GFAP: variants seen among roughly 807,000 people sequenced by gnomAD.
GFAP encodes glial fibrillary acidic protein.
In GFAP, 38 loss-of-function variants were observed where a neutral mutation model predicts 49.3. The ratio of observed to expected loss-of-function variants is 0.77; its 90% confidence interval spans 0.60 to 1.01. The LOEUF (loss-of-function observed/expected upper bound fraction) is 1.01, where lower values mean the gene tolerates loss of function less well. Ranked by LOEUF, GFAP falls within the 50% of genes least tolerant of loss-of-function variation. The probability of loss-of-function intolerance (pLI) is 0.00; values close to 1 mark genes in which losing one functional copy is unlikely to be tolerated. For synonymous variants in GFAP, 222 were observed against 236.4 expected (o/e 0.94, Z 0.56); for missense variants, 463 against 579.1 (o/e 0.80, Z 2.06).
In GFAP at chr17:44,904,576, C is replaced by G. The variant is rs1375287990; in HGVS notation, c.*2771G>C. 6.4e-7 allele frequency: 1 copy of G among 1,550,580 alleles called. No homozygotes were observed. The highest frequency in any genetic ancestry group is 2.4e-5 in the East Asian group (1 of 40,926). On this transcript the variant is annotated 3_prime_UTR_variant, in exon 9 of 9. Coordinates refer to ENST00000588735, the MANE Select transcript of GFAP (RefSeq NM_002055.5). The stretch of plus-strand genomic sequence containing the variant: ...TACCCTGTGAGAAGACAAAGACCAT[C>G]CGGGAGGGCGTGCTGGCCATCATTA...
At chr17:44,913,972 T>G in intron 2 of GFAP, 56 bp downstream of exon 2, 1 of 1,354,914 alleles carries the variant, frequency 7.4e-7, no homozygotes, top group Non-Finnish European at 1.0e-6. Context: ...TGTGTTTGGG[T>G]GGGTGGCCAT....
Position 44,911,882 on chromosome 17 carries a change from A to G in GFAP, c.781-85T>C, listed in dbSNP as rs533692924. The G allele has an allele frequency of 1.1e-5, 16 of 1,473,436 alleles. No individual in the cohort carries two copies. In the African/African-American group the frequency reaches 1.9e-4, roughly 18 times the overall value. The allele number at this position is 1,473,436 out of a possible 1,614,324, so 91.3% of individuals were successfully genotyped here. ...AAATCAGGGAGGTGAGCAGCACCCC[A>G]GTTAACCCCAGGACGTTGGCCCTGG... is the stretch of plus-strand genomic sequence containing the variant. On this transcript the variant is annotated intron_variant, in intron 4 of 8. Transcript: ENST00000588735.
chr17:44,911,071 A>T lies in GFAP; in HGVS notation c.1127+165T>A, dbSNP rs965165265. Among the ~76,000 whole-genome samples, 3 of 152,192 alleles carry T rather than the reference A, an allele frequency of 2.0e-5. No individual in the cohort carries two copies. The South Asian group carries it at 6.2e-4, about 32-fold the overall frequency. The stretch of plus-strand genomic sequence containing the variant: ...CCATCCATCCATTCAGTCATCAAAC[A>T]TCTAGTGACTGCCTGCTATGTGTGA... On this transcript the variant is annotated intron_variant, in intron 6 of 8. Transcript: ENST00000588735.
intron 6 of GFAP, among the ~76,000 whole-genome samples, 200 bp downstream of exon 6, chr17:44,911,036 T>C (rs1296914265): frequency 6.6e-6 from 1 of 152,178 alleles, no homozygotes; most frequent in Non-Finnish European, 1.5e-5. Flanking sequence ...CTAATCAATA[T>C]TGGTTGAATC....
In GFAP at chr17:44,904,848, G is replaced by A. The variant is rs764267260; in HGVS notation, c.*2499C>T. 140 of 1,550,504 alleles carry A rather than the reference G, an allele frequency of 9.0e-5. No individual in the cohort carries two copies. Among genetic ancestry groups the A allele is most frequent in the Middle Eastern group, 1.7e-4 (1 of 6,014 alleles). On this transcript the variant is annotated 3_prime_UTR_variant, in exon 9 of 9. Coordinates refer to ENST00000588735, the MANE Select transcript of GFAP (RefSeq NM_002055.5). ...ATCCGCTTCACCCAGCTGGATGACC[G>A]GGGCATCTACTATTGCTGGAGGCAG...
At chr17:44,911,190 G>A (rs773171143) in intron 6 of GFAP, 46 bp downstream of exon 6, 3 of 1,534,416 alleles carry the variant, frequency 2.0e-6, no homozygotes, top group Middle Eastern at 2.0e-4. Flanking sequence ...GAGCTCTACC[G>A]TGAGGCAGCA....
At position 44,904,874 on chromosome 17, in the gene GFAP, G is replaced by T; in HGVS notation, c.*2473C>A. The T allele has an allele frequency of 6.4e-7, 1 of 1,550,650 alleles. No homozygotes were observed. Among genetic ancestry groups the T allele is most frequent in the Non-Finnish European group, 8.7e-7 (1 of 1,146,982 alleles). On this transcript the variant is annotated 3_prime_UTR_variant, in exon 9 of 9. Coordinates refer to ENST00000588735, the MANE Select transcript of GFAP (RefSeq NM_002055.5). ...GGGCATCTACTATTGCTGGAGGCAGGGTGTGCTAGTTGCTGGCTTCCGGCT... is the reference window on the plus strand; with the variant it reads ...GGGCATCTACTATTGCTGGAGGCAGTGTGTGCTAGTTGCTGGCTTCCGGCT...
In GFAP at chr17:44,904,024, G is replaced by T; in HGVS notation, c.*3323C>A. The T allele has an allele frequency of 1.3e-6, 2 of 1,550,650 alleles. No individual in the cohort carries two copies. The highest frequency in any genetic ancestry group is 1.7e-6 in the Non-Finnish European group (2 of 1,147,016). On this transcript the variant is annotated 3_prime_UTR_variant, in exon 9 of 9. Coordinates refer to ENST00000588735, the MANE Select transcript of GFAP (RefSeq NM_002055.5). ...CCGAAGAGGTGCCAGCTGTAGTCTG[G>T]TTCTACCAAAAGCACCTAGGTAGCA... is the stretch of plus-strand genomic sequence containing the variant.
At chr17:44,910,924 G>T in intron 6 of GFAP, 1 of 607,178 alleles carries the variant, frequency 1.6e-6, no homozygotes, top group South Asian at 2.0e-5. Flanking sequence ...AAGTTCCAAG[G>T]AGGCAGAAGA....
chr17:44,911,877 A>G, intron 4 of GFAP, 80 bp from the exon 5 acceptor site: 1 of 1,466,292 alleles, frequency 6.8e-7, no homozygotes, highest in South Asian at 1.2e-5. Flanking sequence ...GGTGAGCAGC[A>G]CCCCAGTTAA....
chr17:44,908,420 C>G (rs2051688323), intron 7 of GFAP: 1 of 391,884 alleles, frequency 2.6e-6, no homozygotes, highest in Non-Finnish European at 4.6e-6. Flanking sequence ...TTCTGAAAAC[C>G]CAGCACGGTA....
Position 44,904,085 on chromosome 17 carries a change from G to A in GFAP, c.*3262C>T. On this transcript the variant is annotated 3_prime_UTR_variant, in exon 9 of 9. Coordinates refer to ENST00000588735, the MANE Select transcript of GFAP (RefSeq NM_002055.5). ...AGTGCTGACGGACTTTGATGGGCGG[G>A]TGCTGACGGAGGCAGCCCAGGTACG... The A allele has an allele frequency of 1.3e-6, 2 of 1,550,662 alleles. No homozygotes were observed. Among genetic ancestry groups the A allele is most frequent in the Non-Finnish European group, 1.7e-6 (2 of 1,147,012 alleles).
intron 2 of GFAP, 102 bp from the exon 3 acceptor site, chr17:44,913,925 G>C: frequency 7.6e-7 from 1 of 1,316,692 alleles, no homozygotes; most frequent in Non-Finnish European, 1.1e-6. Context: ...GGGCAGTGGG[G>C]AGCAGCACAT....
Position 44,904,803 on chromosome 17 carries a change from A to C in GFAP, c.*2544T>G. On this transcript the variant is annotated 3_prime_UTR_variant, in exon 9 of 9. Transcript: ENST00000588735. ...AACAGGTCCATGAGGGTGTTCATTG[A>C]CCACGGCAACCAGCTCCACATCCGC... The C allele has an allele frequency of 3.2e-6, 5 of 1,550,598 alleles. No individual in the cohort carries two copies. Among genetic ancestry groups the C allele is most frequent in the Non-Finnish European group, 4.4e-6 (5 of 1,146,954 alleles).
At chr17:44,914,976 G>T in intron 1 of GFAP, 50 bp downstream of exon 1, 1 of 1,517,226 alleles carries the variant, frequency 6.6e-7, no homozygotes, top group Non-Finnish European at 9.0e-7. Flanking sequence ...CCTTCTTGGG[G>T]ATTCAGCCCC....
rs777465927 is a variant in GFAP, at chr17:44,913,662, C to G, written c.618+66G>C. 7.2e-6 allele frequency: 9 copies of G among 1,251,968 alleles called. No homozygotes were observed. The South Asian group carries it at 1.1e-4, about 15-fold the overall frequency. 77.6% of individuals were successfully genotyped at this position (1,251,968 alleles called of 1,614,324 possible). A position where few individuals can be genotyped will look rare whatever the true frequency, so the allele number is the denominator to read the frequency against. On this transcript the variant is annotated intron_variant, in intron 3 of 8. Transcript: ENST00000588735. ...TCTCTCTCAGTCTCAGCTTCTCTGT[C>G]TCTGTCTCTCCCTCTCTCAGTTGCA... is the stretch of plus-strand genomic sequence containing the variant.
At position 44,906,835 on chromosome 17, in the gene GFAP, A is replaced by G. The variant is rs949115374; in HGVS notation, c.*512T>C. ...AGGGATATCCCACCTCATAAAAACC[A>G]AAAGACAAAACAAGCCTCTGGCCAG... On this transcript the variant is annotated 3_prime_UTR_variant, in exon 9 of 9. Coordinates refer to ENST00000588735, the MANE Select transcript of GFAP (RefSeq NM_002055.5). 2 of 208,114 alleles carry G rather than the reference A, an allele frequency of 9.6e-6. No individual in the cohort carries two copies. Among genetic ancestry groups the G allele is most frequent in the Non-Finnish European group, 2.0e-5 (2 of 100,926 alleles). The allele number at this position is 208,114 out of a possible 1,614,324, so 12.9% of individuals were successfully genotyped here. A position where few individuals can be genotyped will look rare whatever the true frequency, so the allele number is the denominator to read the frequency against.
Position 44,904,314 on chromosome 17 carries a change from A to C in GFAP, c.*3033T>G. On this transcript the variant is annotated 3_prime_UTR_variant, in exon 9 of 9. Coordinates refer to ENST00000588735, the MANE Select transcript of GFAP (RefSeq NM_002055.5). Reference sequence around the variant, plus strand: ...GGCCAGGAGCCCTTTGCAGATGAATACTATGGGCACCTCCATGTCTTCACC... The same window carrying C: ...GGCCAGGAGCCCTTTGCAGATGAATCCTATGGGCACCTCCATGTCTTCACC... 6.5e-7 allele frequency: 1 copy of C among 1,545,466 alleles called. No individual in the cohort carries two copies. The highest frequency in any genetic ancestry group is 1.2e-5 in the South Asian group (1 of 83,396).
rs1176585719 is a variant in GFAP, at chr17:44,905,231, G to A, written c.*2116C>T. 8 of 635,428 alleles carry A rather than the reference G, an allele frequency of 1.3e-5. No individual in the cohort carries two copies. The highest frequency in any genetic ancestry group is 1.9e-5 in the Non-Finnish European group (7 of 359,658). The allele number at this position is 635,428 out of a possible 1,614,324, so 39.4% of individuals were successfully genotyped here. ...ATTTTCATGGGCAGGTCTGGGACCTGATCTGAGAAGTGGAGGGGCCTGAGG... is the reference window on the plus strand; with the variant it reads ...ATTTTCATGGGCAGGTCTGGGACCTAATCTGAGAAGTGGAGGGGCCTGAGG... On this transcript the variant is annotated 3_prime_UTR_variant, in exon 9 of 9. Coordinates refer to ENST00000588735, the MANE Select transcript of GFAP (RefSeq NM_002055.5).
Sources: allele counts gnomAD v4.1 joint callset (sites outside exome capture counted in the v4.1 genomes callset), GRCh38; gene constraint gnomAD v4.1.1; transcripts MANE v1.5; gene names NCBI Gene and HGNC (gene_info 2026-07-23, HGNC 2026-07-21).